The following GPHN variants were observed in gnomAD, a reference collection of about 807,000 sequenced individuals.
The protein encoded by GPHN is gephyrin.
In GPHN, 17 loss-of-function variants were observed where a neutral mutation model predicts 95.5. The observed-to-expected ratio is 0.18, with a 90% CI of 0.12 to 0.27. The LOEUF (loss-of-function observed/expected upper bound fraction) is 0.27. Ranked by LOEUF, GPHN falls within the 10% of genes least tolerant of loss-of-function variation. The pLI is 1.00. For synonymous variants in GPHN, 320 were observed against 322.5 expected (o/e 0.99, Z 0.08); for missense variants, 660 against 978.1 (o/e 0.67, Z 4.34).
At chr14:67,080,612 A>C (rs188735235) in intron 11 of GPHN, among the ~76,000 whole-genome samples, 71 of 152,054 alleles carry the variant, frequency 4.7e-4, no homozygotes, top group Admixed American at 1.3e-3. Flanking sequence ...TCTTCTTCTT[A>C]TTATTAATTT....
At chr14:66,830,449 A>T (rs1224166663) in intron 4 of GPHN, among the ~76,000 whole-genome samples, 1 of 152,216 alleles carries the variant, frequency 6.6e-6, no homozygotes, top group African/African-American at 2.4e-5. Context: ...GTAAAATCTC[A>T]CTGTTAAAAA....
chr14:66,519,213 ATG>A (rs1242697835), intron 1 of GPHN, among the ~76,000 whole-genome samples: 1 of 152,042 alleles, frequency 6.6e-6, no homozygotes, highest in African/African-American at 2.4e-5. Context: ...AAGTATATTT[ATG>A]TGTTATAAAG....
the GPHN span, among the ~76,000 whole-genome samples, chr14:67,466,134 A>G: frequency 6.6e-6 from 1 of 152,220 alleles, no homozygotes; most frequent in Admixed American, 6.5e-5. Context: ...CCATACTTTA[A>G]CTAAGAAGCT....
intron 9 of GPHN, among the ~76,000 whole-genome samples, chr14:66,985,143 GT>G (rs2070932905): frequency 6.6e-6 from 1 of 152,102 alleles, no homozygotes; most frequent in African/African-American, 2.4e-5. Context: ...CAGCACAATT[GT>G]TTAATTGGGA....
the GPHN span, among the ~76,000 whole-genome samples, chr14:67,246,865 T>C: frequency 3.9e-5 from 6 of 152,098 alleles, no homozygotes; most frequent in African/African-American, 1.4e-4. Context: ...TTGGCCAGGA[T>C]GGTCTTGATC....
the GPHN span, among the ~76,000 whole-genome samples, chr14:67,358,314 G>A: frequency 6.6e-6 from 1 of 152,104 alleles, no homozygotes. Context: ...AAAGTCAACA[G>A]GTGAAGGTAA....
chr14:66,965,649 G>A (rs549863187), intron 9 of GPHN, among the ~76,000 whole-genome samples: 5 of 152,130 alleles, frequency 3.3e-5, no homozygotes, highest in South Asian at 4.2e-4. Flanking sequence ...TGTTTATGCC[G>A]AGGATAAATG....
At chr14:67,465,397 A>G in the GPHN span, among the ~76,000 whole-genome samples, 1 of 128,764 alleles carries the variant, frequency 7.8e-6, no homozygotes, top group Non-Finnish European at 1.9e-5. Flanking sequence ...AGAGGCGAGA[A>G]ATGAGGCCAA....
At chr14:66,880,097 A>C in intron 5 of GPHN, 64 bp downstream of exon 5, 1 of 1,004,406 alleles carries the variant, frequency 1.0e-6, no homozygotes, top group South Asian at 1.3e-5. Context: ...GATATTAAAA[A>C]AAATCTACAC....
the GPHN span, chr14:67,385,291 T>G: frequency 6.6e-6 from 1 of 152,190 alleles, no homozygotes; most frequent in Non-Finnish European, 1.5e-5. Flanking sequence ...GAAGTAAGTT[T>G]ATCCAAATCT....
At chr14:67,358,021 T>A in the GPHN span, among the ~76,000 whole-genome samples, 1 of 152,022 alleles carries the variant, frequency 6.6e-6, no homozygotes, top group East Asian at 1.9e-4. Flanking sequence ...GAGGGGTCTA[T>A]CAATTAGGTG....
chr14:66,821,974 C>A (rs61989622), intron 3 of GPHN, among the ~76,000 whole-genome samples: 24,537 of 152,084 alleles, frequency 0.16, 2,290 homozygotes, highest in Non-Finnish European at 0.21. Context: ...TTGTTCGAGA[C>A]GGAGTCTTGC....
At chr14:67,105,448 A>G (rs2077982378) in intron 13 of GPHN, among the ~76,000 whole-genome samples, 1 of 152,072 alleles carries the variant, frequency 6.6e-6, no homozygotes, top group South Asian at 2.1e-4. Context: ...CTCCCCAAAT[A>G]TTATTGTATT....
the GPHN span, among the ~76,000 whole-genome samples, chr14:67,597,486 C>G: frequency 2.7e-5 from 4 of 148,288 alleles, no homozygotes; most frequent in South Asian, 6.5e-4. Context: ...TCAAAAAAAA[C>G]AAAGAAACCT....
chr14:67,462,185 G>A, the GPHN span, among the ~76,000 whole-genome samples: 2 of 152,178 alleles, frequency 1.3e-5, no homozygotes, highest in Non-Finnish European at 2.9e-5. Flanking sequence ...AGGTTAGGAT[G>A]GGGGAGTGTG....
At chr14:67,532,750 A>T in the GPHN span, among the ~76,000 whole-genome samples, 5 of 152,200 alleles carry the variant, frequency 3.3e-5, no homozygotes, top group Admixed American at 6.5e-5. Context: ...GCAAATTGCA[A>T]CTCAGAACAT....
chr14:67,552,611 T>A, the GPHN span, among the ~76,000 whole-genome samples: 1 of 151,500 alleles, frequency 6.6e-6, no homozygotes, highest in Non-Finnish European at 1.5e-5. Context: ...TCTAAAAATA[T>A]AAAAAATTAG....
chr14:66,898,860 A>G (rs755574797), intron 5 of GPHN, among the ~76,000 whole-genome samples: 2 of 151,958 alleles, frequency 1.3e-5, no homozygotes, highest in African/African-American at 2.4e-5. Flanking sequence ...CCATGAACAC[A>G]TTATGTCTCT....
intron 1 of GPHN, among the ~76,000 whole-genome samples, chr14:66,561,667 A>G (rs2060252281): frequency 6.6e-6 from 1 of 152,176 alleles, no homozygotes; most frequent in African/African-American, 2.4e-5. Context: ...TATTATTTCT[A>G]GAATTAGGCT....
Sources: allele counts gnomAD v4.1 joint callset (sites outside exome capture counted in the v4.1 genomes callset), GRCh38; gene constraint gnomAD v4.1.1; transcripts MANE v1.5; gene names NCBI Gene and HGNC (gene_info 2026-07-23, HGNC 2026-07-21).